The following CNKSR3 variants were observed in gnomAD, a reference collection of about 807,000 sequenced individuals.
The protein encoded by CNKSR3 is CNKSR family member 3, also known as connector enhancer of kinase suppressor of ras 3.
In CNKSR3, 36 loss-of-function variants were observed where a neutral mutation model predicts 67.7. That is an observed-to-expected ratio of 0.53 (90% CI 0.41 to 0.70). CNKSR3 has a LOEUF of 0.70. Ranked by LOEUF, CNKSR3 falls within the 30% of genes least tolerant of loss-of-function variation. CNKSR3 has a pLI of 0.00. For synonymous variants in CNKSR3, 281 were observed against 271.4 expected (o/e 1.04, Z -0.35); for missense variants, 630 against 695.2 (o/e 0.91, Z 1.05).
intron 1 of CNKSR3, among the ~76,000 whole-genome samples, chr6:154,502,237 G>A (rs1226878901): frequency 6.6e-6 from 1 of 151,562 alleles, no homozygotes; most frequent in East Asian, 1.9e-4. Flanking sequence ...TGTCGCCCAG[G>A]TTGGAGTGCA....
chr6:154,450,688 G>A (rs768522769), intron 1 of CNKSR3, among the ~76,000 whole-genome samples: 5 of 152,238 alleles, frequency 3.3e-5, no homozygotes, highest in African/African-American at 9.6e-5. Context: ...CAGGTCTCCC[G>A]TAGTGCTCTA....
At chr6:154,415,917 G>A (rs1007849305) in intron 9 of CNKSR3, among the ~76,000 whole-genome samples, 3 of 152,118 alleles carry the variant, frequency 2.0e-5, no homozygotes, top group Non-Finnish European at 4.4e-5. Context: ...AGGAAATCTT[G>A]GAGTCAAGGC....
intron 1 of CNKSR3, among the ~76,000 whole-genome samples, chr6:154,458,172 G>A (rs868640076): frequency 5.9e-5 from 9 of 152,150 alleles, no homozygotes; most frequent in South Asian, 4.1e-4. Flanking sequence ...ACCTGGCCCA[G>A]GTTTACAGGC....
At chr6:154,470,414 G>A (rs1363615201) in intron 1 of CNKSR3, among the ~76,000 whole-genome samples, 1 of 151,902 alleles carries the variant, frequency 6.6e-6, no homozygotes, top group Admixed American at 6.6e-5. Flanking sequence ...GTCCAGGCTG[G>A]TCTCAAATTC....
intron 4 of CNKSR3, among the ~76,000 whole-genome samples, chr6:154,440,682 T>G (rs1402564424): frequency 6.6e-6 from 1 of 152,218 alleles, no homozygotes; most frequent in Non-Finnish European, 1.5e-5. Context: ...GGTTTTTACC[T>G]TTCTGCCTTG....
chr6:154,433,593 T>G, intron 4 of CNKSR3, 86 bp from the exon 5 acceptor site: 2 of 1,039,534 alleles, frequency 1.9e-6, no homozygotes, highest in Non-Finnish European at 2.9e-6. Context: ...AGACATTTTC[T>G]GCAGCTCAAG....
intron 2 of CNKSR3, among the ~76,000 whole-genome samples, chr6:154,445,309 C>G (rs1423470566): frequency 1.3e-5 from 2 of 151,780 alleles, no homozygotes; most frequent in Non-Finnish European, 2.9e-5. Context: ...TTGTTATTTT[C>G]TAGAGACTAA....
chr6:154,414,233 C>A, intron 10 of CNKSR3, 66 bp downstream of exon 10: 1 of 1,496,228 alleles, frequency 6.7e-7, no homozygotes. Flanking sequence ...ATCCTCTTTT[C>A]ACACCACCAT....
rs1388134118 is a variant in CNKSR3 at position 154,405,562 on chromosome 6, T to C, written c.*792A>G. On this transcript the variant is annotated 3_prime_UTR_variant, in exon 13 of 13. Transcript: ENST00000607772. ...CTGAACAGGTCAAAATGCAAACTCA[T>C]GTATCTTTCATCAACCTAAATCTTG... is the stretch of plus-strand genomic sequence containing the variant. 1 of 152,230 alleles carries C rather than the reference T, an allele frequency of 6.6e-6. No homozygotes were observed. The highest frequency in any genetic ancestry group is 2.4e-5 in the African/African-American group (1 of 41,450). The allele number at this position is 152,230 out of a possible 1,614,324, so 9.4% of individuals were successfully genotyped here. A position where few individuals can be genotyped will look rare whatever the true frequency, so the allele number is the denominator to read the frequency against.
chr6:154,429,954 C>A (rs1785330952), intron 6 of CNKSR3, among the ~76,000 whole-genome samples: 1 of 152,224 alleles, frequency 6.6e-6, no homozygotes, highest in Non-Finnish European at 1.5e-5. Flanking sequence ...GGCTTCACAG[C>A]TTCTTCACGA....
chr6:154,393,395 G>A lies in CNKSR3; in HGVS notation c.*12959C>T, dbSNP rs1386723388. 6.6e-6 allele frequency: 1 copy of A among 152,214 alleles called. No individual in the cohort carries two copies. Among genetic ancestry groups the A allele is most frequent in the African/African-American group, 2.4e-5 (1 of 41,452 alleles). 9.4% of individuals were successfully genotyped at this position (152,214 alleles called of 1,614,324 possible). A position where few individuals can be genotyped will look rare whatever the true frequency, so the allele number is the denominator to read the frequency against. Reference sequence around the variant, plus strand: ...AGTTTTGCCAGTCAGGTAGAGAGCAGCATCTCCCTGTGATTTTGACTTCAC... The same window carrying A: ...AGTTTTGCCAGTCAGGTAGAGAGCAACATCTCCCTGTGATTTTGACTTCAC... On this transcript the variant is annotated 3_prime_UTR_variant, in exon 13 of 13. Transcript: ENST00000607772.
At chr6:154,436,994 T>C (rs1396193296) in intron 4 of CNKSR3, among the ~76,000 whole-genome samples, 2 of 152,112 alleles carry the variant, frequency 1.3e-5, no homozygotes, top group Non-Finnish European at 2.9e-5. Context: ...GAAGGAAGGA[T>C]GCAGAGATGG....
chr6:154,397,424 G>C lies in CNKSR3; in HGVS notation c.*8930C>G, dbSNP rs1045916551. ...AAGTAGGTTTCTGTTTTTTGGAGGG[G>C]ATTTAATTGCTCATCTGATCTGAAT... On this transcript the variant is annotated 3_prime_UTR_variant, in exon 13 of 13. Transcript: ENST00000607772. The C allele has an allele frequency of 6.6e-6, 1 of 152,192 alleles. No homozygotes were observed. Among genetic ancestry groups the C allele is most frequent in the Non-Finnish European group, 1.5e-5 (1 of 68,036 alleles). 9.4% of individuals were successfully genotyped at this position (152,192 alleles called of 1,614,324 possible).
intron 1 of CNKSR3, among the ~76,000 whole-genome samples, chr6:154,480,091 T>C (rs936974923): frequency 6.6e-6 from 1 of 152,182 alleles, no homozygotes; most frequent in Admixed American, 6.5e-5. Flanking sequence ...AAGTTATCTA[T>C]GGTGTACAGT....
At chr6:154,463,546 T>C (rs1159403558) in intron 1 of CNKSR3, among the ~76,000 whole-genome samples, 1 of 152,184 alleles carries the variant, frequency 6.6e-6, no homozygotes, top group Non-Finnish European at 1.5e-5. Context: ...ACAAGTTTGC[T>C]ATGCTCGCGG....
intron 1 of CNKSR3, among the ~76,000 whole-genome samples, chr6:154,464,363 C>A (rs927388238): frequency 6.6e-6 from 1 of 152,134 alleles, no homozygotes; most frequent in Non-Finnish European, 1.5e-5. Context: ...ATTCTACTCT[C>A]GGAAACATTC....
intron 12 of CNKSR3, 60 bp downstream of exon 12, chr6:154,410,283 A>G: frequency 8.3e-7 from 1 of 1,206,366 alleles, no homozygotes; most frequent in Non-Finnish European, 1.2e-6. Context: ...AGGTGAAACC[A>G]GGCCCTGGGG....
chr6:154,446,819 T>C (rs1193969215), intron 2 of CNKSR3, among the ~76,000 whole-genome samples: 1 of 150,576 alleles, frequency 6.6e-6, no homozygotes, highest in Non-Finnish European at 1.5e-5. Context: ...TTTTTTTTTT[T>C]TTTGAGATGG....
At chr6:154,414,076 G>A (rs1784963306) in intron 10 of CNKSR3, among the ~76,000 whole-genome samples, 1 of 150,914 alleles carries the variant, frequency 6.6e-6, no homozygotes, top group Non-Finnish European at 1.5e-5. Flanking sequence ...TTCTCAGAAG[G>A]GCCCTCCCCA....
Sources: allele counts gnomAD v4.1 joint callset (sites outside exome capture counted in the v4.1 genomes callset), GRCh38; gene constraint gnomAD v4.1.1; transcripts MANE v1.5; gene names NCBI Gene and HGNC (gene_info 2026-07-23, HGNC 2026-07-21).